The following GALNT17 variants were observed in gnomAD, a reference collection of about 807,000 sequenced individuals.
GALNT17 encodes the protein UDP-GalNAc:polypeptide N-acetylgalactosaminyltransferase-like 3.
A neutral mutation model predicts 63.7 loss-of-function variants in GALNT17; 29 were observed. That is an observed-to-expected ratio of 0.46 (90% CI 0.34 to 0.62). GALNT17 has a LOEUF of 0.62. GALNT17 is among the 20% of genes least tolerant of loss of function. The pLI, the probability that GALNT17 is intolerant of heterozygous loss-of-function variation, is 0.01. For synonymous variants in GALNT17, 305 were observed against 318.3 expected (o/e 0.96, Z 0.45); for missense variants, 603 against 799.6 (o/e 0.75, Z 2.97).
chr7:71,341,104 A>G (rs1293788464), intron 2 of GALNT17, among the ~76,000 whole-genome samples: 1 of 152,210 alleles, frequency 6.6e-6, no homozygotes, highest in African/African-American at 2.4e-5. Flanking sequence ...AGTCCTAGCT[A>G]TTCAGAAGGC....
chr7:71,687,393 G>A (rs1408110625), intron 9 of GALNT17, among the ~76,000 whole-genome samples: 1 of 152,214 alleles, frequency 6.6e-6, no homozygotes, highest in African/African-American at 2.4e-5. Context: ...CTATTAGCAT[G>A]TAGGAGGCAC....
intron 1 of GALNT17, among the ~76,000 whole-genome samples, chr7:71,293,966 T>C (rs998630859): frequency 6.6e-6 from 1 of 152,156 alleles, no homozygotes; most frequent in African/African-American, 2.4e-5. Flanking sequence ...GAGACCATCC[T>C]GGCTAACACG....
intron 1 of GALNT17, among the ~76,000 whole-genome samples, chr7:71,157,832 G>A (rs1317831850): frequency 2.0e-5 from 3 of 151,366 alleles, no homozygotes; most frequent in East Asian, 1.9e-4. Flanking sequence ...CTGTCTTCAT[G>A]AGGTTCACGT....
At chr7:71,394,246 G>A (rs985955585) in intron 3 of GALNT17, among the ~76,000 whole-genome samples, 6 of 152,122 alleles carry the variant, frequency 3.9e-5, no homozygotes, top group African/African-American at 7.2e-5. Context: ...GAGGAGGTGC[G>A]AGGCTCTTTT....
intron 1 of GALNT17, among the ~76,000 whole-genome samples, chr7:71,192,602 G>A (rs1416754446): frequency 6.6e-6 from 1 of 152,062 alleles, no homozygotes; most frequent in South Asian, 2.1e-4. Flanking sequence ...TGCCATGTTG[G>A]CCAGGCTGGT....
At chr7:71,274,656 G>A (rs1017044) in intron 1 of GALNT17, among the ~76,000 whole-genome samples, 9,053 of 152,184 alleles carry the variant, frequency 0.059, 925 homozygotes, top group African/African-American at 0.21. Flanking sequence ...ATCCACATCA[G>A]TGCACATGAA....
intron 5 of GALNT17, among the ~76,000 whole-genome samples, chr7:71,473,713 A>G (rs1177464777): frequency 6.6e-6 from 1 of 152,102 alleles, no homozygotes; most frequent in Non-Finnish European, 1.5e-5. Context: ...TCATTCAGTC[A>G]GTGGGGTGGC....
intron 1 of GALNT17, among the ~76,000 whole-genome samples, chr7:71,266,655 A>T (rs895248861): frequency 6.6e-6 from 1 of 152,156 alleles, no homozygotes; most frequent in Non-Finnish European, 1.5e-5. Context: ...ATTGGGTAAC[A>T]TTCACAGTTT....
intron 5 of GALNT17, among the ~76,000 whole-genome samples, chr7:71,439,890 A>G (rs1055399987): frequency 4.0e-5 from 6 of 149,782 alleles, no homozygotes; most frequent in Non-Finnish European, 7.4e-5. Flanking sequence ...TTATTTTGGT[A>G]GCTTTAATCC....
At chr7:71,446,844 C>T (rs758836152) in intron 5 of GALNT17, among the ~76,000 whole-genome samples, 18 of 152,274 alleles carry the variant, frequency 1.2e-4, no homozygotes, top group Non-Finnish European at 2.4e-4. Context: ...CCACTGCGGC[C>T]GACTCTATTC....
chr7:71,509,949 A>ATT (rs60003782), intron 5 of GALNT17, among the ~76,000 whole-genome samples: 42 of 150,510 alleles, frequency 2.8e-4, no homozygotes, highest in South Asian at 4.2e-4. Flanking sequence ...AAAGTGTACA[A>ATT]TTTTTTTTTT....
intron 1 of GALNT17, among the ~76,000 whole-genome samples, chr7:71,175,900 C>A (rs1005178822): frequency 6.6e-6 from 1 of 151,630 alleles, no homozygotes; most frequent in Non-Finnish European, 1.5e-5. Flanking sequence ...GACACTATCT[C>A]AAAAAAAGAG....
At chr7:71,588,934 A>G (rs926652369) in intron 6 of GALNT17, among the ~76,000 whole-genome samples, 8 of 152,130 alleles carry the variant, frequency 5.3e-5, no homozygotes, top group African/African-American at 1.7e-4. Flanking sequence ...GCTAAACTAT[A>G]TCTTTGCATA....
At chr7:71,450,198 C>T (rs1787234870) in intron 5 of GALNT17, among the ~76,000 whole-genome samples, 1 of 149,646 alleles carries the variant, frequency 6.7e-6, no homozygotes, top group Non-Finnish European at 1.5e-5. Flanking sequence ...TGCAGTCGCG[C>T]GATCTCGGCT....
At chr7:71,669,551 G>T (rs1791035874) in intron 7 of GALNT17, among the ~76,000 whole-genome samples, 1 of 147,410 alleles carries the variant, frequency 6.8e-6, no homozygotes, top group Admixed American at 7.0e-5. Flanking sequence ...AGCATACGAG[G>T]CTTAAGATCT....
intron 1 of GALNT17, among the ~76,000 whole-genome samples, chr7:71,203,834 A>G (rs1789220139): frequency 1.3e-5 from 2 of 152,144 alleles, no homozygotes; most frequent in Admixed American, 6.6e-5. Flanking sequence ...AGACTGTGTC[A>G]TATTTTTCAA....
chr7:71,354,289 C>T (rs1041546010), intron 2 of GALNT17, among the ~76,000 whole-genome samples: 1 of 152,268 alleles, frequency 6.6e-6, no homozygotes, highest in African/African-American at 2.4e-5. Flanking sequence ...ATAGTGGGAA[C>T]CCTTGCCTTT....
chr7:71,477,697 C>T lies in GALNT17; in HGVS notation c.962+56592C>T, dbSNP rs186704281. Among the ~76,000 whole-genome samples, 44 of 150,056 alleles carry T rather than the reference C, an allele frequency of 2.9e-4. 5 individuals carry two copies. The East Asian group carries it at 2.9e-3, about 10-fold the overall frequency. On this transcript the variant is annotated intron_variant, in intron 5 of 10. Transcript: ENST00000333538. ...GGCCAAGATCCTGTATCTAAAAAAA[C>T]AAAAAAAAAGGTTGAAAATAACTAG...
chr7:71,692,547 C>T (rs141252767), intron 9 of GALNT17, among the ~76,000 whole-genome samples: 72 of 152,120 alleles, frequency 4.7e-4, no homozygotes, highest in Admixed American at 1.7e-3. Context: ...TCATCCCTGA[C>T]TGCTTGATTC....
Sources: gnomAD v4.1 joint callset for allele counts (sites outside exome capture counted in the v4.1 genomes callset) on GRCh38, gnomAD v4.1.1 for gene constraint, MANE v1.5 for transcripts, NCBI Gene and HGNC (gene_info 2026-07-23, HGNC 2026-07-21) for gene names.